The following MAVS variants were observed in gnomAD, a reference collection of about 807,000 sequenced individuals.
The protein encoded by MAVS is mitochondrial antiviral signaling protein.
In MAVS, 20 loss-of-function variants were observed where a neutral mutation model predicts 30.2. The observed-to-expected ratio is 0.66, with a 90% confidence interval of 0.47 to 0.96. MAVS has a LOEUF of 0.96. MAVS is among the 40% of genes least tolerant of loss of function. The probability of loss-of-function intolerance (pLI) is 0.00; values close to 1 mark genes in which losing one functional copy is unlikely to be tolerated. For synonymous variants in MAVS, 278 were observed against 293.9 expected, an observed-to-expected ratio of 0.95 and a Z score of 0.55; for missense variants, 624 against 701.1, an observed-to-expected ratio of 0.89 and a Z score of 1.24.
chr20:3,849,911 C>T (rs2089743229), intron 1 of MAVS, among the ~76,000 whole-genome samples: 1 of 152,214 alleles, frequency 6.6e-6, no homozygotes, highest in Non-Finnish European at 1.5e-5. Context: ...CGAGCAAATA[C>T]ATCTATAACT....
chr20:3,851,253 G>C (rs538719981), intron 1 of MAVS, among the ~76,000 whole-genome samples: 1 of 151,802 alleles, frequency 6.6e-6, no homozygotes, highest in African/African-American at 2.4e-5. Flanking sequence ...GCTTAAACCC[G>C]AGAAGCAGAG....
At position 3,865,730 on chromosome 20, in the gene MAVS, A is replaced by G. The variant is rs780363713; in HGVS notation, c.1206A>G (p.Ser402=). The change falls in exon 7 of 7, where the codon TCA becomes TCG. Residue 402 remains serine, a synonymous_variant. Transcript: ENST00000428216. The surrounding 1 kb of genome is among the most constrained non-coding windows in gnomAD (Gnocchi z 4.7). The stretch of plus-strand genomic sequence containing the variant: ...CCGCCGGCGCCACTGGAGGCAGCTC[A>G]GCCTGGCTAGACAGCAGCTCTGAGA... ...PTPAGATGGS[S]AWLDSSSENR... 7.4e-6 allele frequency: 12 copies of G among 1,612,902 alleles called. No individual in the cohort carries two copies. The highest frequency in any genetic ancestry group is 1.0e-5 in the Non-Finnish European group (12 of 1,179,666).
chr20:3,854,578 T>TC lies in MAVS; in HGVS notation c.-45dup, dbSNP rs1401868290. 1 of 1,366,010 alleles carries TC rather than the reference T, an allele frequency of 7.3e-7. No homozygotes were observed. The highest frequency in any genetic ancestry group is 1.0e-6 in the Non-Finnish European group (1 of 962,994). 84.6% of individuals were successfully genotyped at this position (1,366,010 alleles called of 1,614,324 possible). On this transcript the variant is annotated 5_prime_UTR_variant, in exon 2 of 7. Transcript: ENST00000428216. ...TCCAGTCTCGTTTCCTCTCAGTCCA[T>TC]CCACCCTTCATGGGGCCAGAGCCCT...
chr20:3,861,460 C>G lies in MAVS; in HGVS notation c.421C>G (p.Pro141Ala), dbSNP rs374414172. The change falls in exon 4 of 7, where the codon CCC becomes GCC. Residue 141 changes from proline (P) to alanine (A), a missense_variant. By Grantham distance (27) the Pro-to-Ala change is conservative. Transcript: ENST00000428216. ...CTGCAGAGAGAAGGAGCCAAGTTAC[C>G]CCATGCCTGTCCAGGAGACCCAGGC... The part of the protein sequence containing the change: ...NSCREKEPSY[P>A]MPVQETQAPE... 4.2e-5 allele frequency: 68 copies of G among 1,614,124 alleles called. No individual in the cohort carries two copies. The South Asian group carries it at 6.0e-4, about 14-fold the overall frequency.
In MAVS at chr20:3,861,448, G is replaced by T. The variant is rs779903870; in HGVS notation, c.409G>T (p.Glu137Ter). Residue 137 changes from glutamate to a stop codon, truncating the protein, a stop_gained, in exon 4 of 7, where the codon GAG becomes TAG. Transcript: ENST00000428216. LOFTEE classifies it high-confidence loss of function. ...SIPYNSCREK[E>*]PSYPMPVQET... ...CCCCTACAACAGCTGCAGAGAGAAG[G>T]AGCCAAGTTACCCCATGCCTGTCCA... 2 of 1,592,498 alleles carry T rather than the reference G, an allele frequency of 1.3e-6. No individual in the cohort carries two copies. The highest frequency in any genetic ancestry group is 3.3e-5 in the Admixed American group (2 of 59,952).
intron 3 of MAVS, among the ~76,000 whole-genome samples, chr20:3,860,779 C>A (rs2089860095): frequency 6.6e-6 from 1 of 151,560 alleles, no homozygotes; most frequent in African/African-American, 2.4e-5. Flanking sequence ...CAGGTTCAAG[C>A]AATTCTTCTG....
At position 3,868,011 on chromosome 20, in the gene MAVS, CCTCCAGGGATCTA is replaced by C. The variant is rs2089922372; in HGVS notation, c.*1866_*1878del. 8.2e-6 allele frequency: 1 copy of C among 121,670 alleles called. No individual in the cohort carries two copies. Among genetic ancestry groups the C allele is most frequent in the Non-Finnish European group, 1.8e-5 (1 of 54,424 alleles). The allele number at this position is 121,670 out of a possible 1,614,324, so 7.5% of individuals were successfully genotyped here. The stretch of plus-strand genomic sequence containing the variant: ...CTGTGGCCCCACCCCAAGCCGTCAG[CCTCCAGGGATCTA>C]CACCCTGCCTTGGCTGCTACAGCTT... On this transcript the variant is annotated 3_prime_UTR_variant, in exon 7 of 7. Coordinates refer to ENST00000428216, the MANE Select transcript of MAVS (RefSeq NM_020746.5).
At chr20:3,858,734 A>G (rs944511323) in intron 3 of MAVS, among the ~76,000 whole-genome samples, 2 of 150,104 alleles carry the variant, frequency 1.3e-5, no homozygotes, top group African/African-American at 2.4e-5. Flanking sequence ...ACTAGAGGTA[A>G]CCCCCGAGAC....
chr20:3,860,193 A>G (rs2089854620), intron 3 of MAVS, among the ~76,000 whole-genome samples: 1 of 151,426 alleles, frequency 6.6e-6, no homozygotes, highest in South Asian at 2.1e-4. Flanking sequence ...GGTGTACCCA[A>G]GAGCACCCAA....
At position 3,872,901 on chromosome 20, in the gene MAVS, G is replaced by C. The variant is rs1048052015; in HGVS notation, c.*6754G>C. On this transcript the variant is annotated 3_prime_UTR_variant, in exon 7 of 7. Transcript: ENST00000428216. ...GAATAATACGGCAAAGACCCCACCC[G>C]ATGAGCCCCCTCCCACCACCCACCA... is the stretch of plus-strand genomic sequence containing the variant. 1 of 152,210 alleles carries C rather than the reference G, an allele frequency of 6.6e-6. No homozygotes were observed. The highest frequency in any genetic ancestry group is 1.5e-5 in the Non-Finnish European group (1 of 68,038). The allele number at this position is 152,210 out of a possible 1,614,324, so 9.4% of individuals were successfully genotyped here.
rs911476888 is a variant in MAVS, at chr20:3,872,301, G to A, written c.*6154G>A. ...AAAAATTTAAAAATTAGCTGGGTGT[G>A]GTGGTATGTGCCTCAAGTTCCAGCT... On this transcript the variant is annotated 3_prime_UTR_variant, in exon 7 of 7. Coordinates refer to ENST00000428216, the MANE Select transcript of MAVS (RefSeq NM_020746.5). The A allele has an allele frequency of 1.3e-5, 2 of 152,316 alleles. No individual in the cohort carries two copies. The highest frequency in any genetic ancestry group is 2.9e-5 in the Non-Finnish European group (2 of 68,150). The allele number at this position is 152,316 out of a possible 1,614,324, so 9.4% of individuals were successfully genotyped here. A position where few individuals can be genotyped will look rare whatever the true frequency, so the allele number is the denominator to read the frequency against.
rs200985651 is a variant in MAVS at position 3,865,832 on chromosome 20, C to T, written c.1308C>T (p.Phe436=). 2.0e-4 allele frequency: 323 copies of T among 1,614,038 alleles called. 3 individuals carry two copies. The East Asian group carries it at 5.3e-3, about 27-fold the overall frequency. Residue 436 remains phenylalanine, a synonymous_variant, in exon 7 of 7, where the codon TTC becomes TTT. Transcript: ENST00000428216. The surrounding 1 kb of genome is among the most constrained non-coding windows in gnomAD (Gnocchi z 4.7). ...TAGACAGCCCGTTCTCGGGCTGCTT[C>T]GAGGATCTTGCCATCAGTGCCAGCA... is the stretch of plus-strand genomic sequence containing the variant. ...SQVDSPFSGC[F]EDLAISASTS...
intron 3 of MAVS, among the ~76,000 whole-genome samples, chr20:3,860,718 C>T (rs2146770867): frequency 6.6e-6 from 1 of 151,992 alleles, no homozygotes. Flanking sequence ...GCTCTGTTGC[C>T]CAGGCTGGAG....
chr20:3,868,262 AG>A lies in MAVS; in HGVS notation c.*2117del, dbSNP rs1376742166. The A allele has an allele frequency of 1.3e-5, 2 of 152,346 alleles. No individual in the cohort carries two copies. The highest frequency in any genetic ancestry group is 2.9e-5 in the Non-Finnish European group (2 of 68,044). 9.4% of individuals were successfully genotyped at this position (152,346 alleles called of 1,614,324 possible). ...CCCCAGTTAGGTACCCATGCTGGGC[AG>A]GTCAGTTAACAATTTATGCACAGGT... On this transcript the variant is annotated 3_prime_UTR_variant, in exon 7 of 7. Transcript: ENST00000428216.
At chr20:3,853,300 C>A (rs1406388772) in intron 1 of MAVS, among the ~76,000 whole-genome samples, 4 of 150,672 alleles carry the variant, frequency 2.7e-5, no homozygotes. Flanking sequence ...TCCTGGCTAA[C>A]CCCGTGAAAC....
At chr20:3,859,380 A>G (rs184545501) in intron 3 of MAVS, among the ~76,000 whole-genome samples, 1 of 151,772 alleles carries the variant, frequency 6.6e-6, no homozygotes, top group African/African-American at 2.4e-5. Flanking sequence ...TGGTGGTGCA[A>G]GCCTGTAATC....
chr20:3,847,449 G>A (rs1051330065), intron 1 of MAVS, among the ~76,000 whole-genome samples: 1 of 152,224 alleles, frequency 6.6e-6, no homozygotes, highest in African/African-American at 2.4e-5. Context: ...TGCACTCAGA[G>A]CCTCTGGACA....
At chr20:3,860,492 A>C (rs1338938032) in intron 3 of MAVS, among the ~76,000 whole-genome samples, 1 of 149,998 alleles carries the variant, frequency 6.7e-6, no homozygotes, top group Admixed American at 6.7e-5. Context: ...CTCCTGCCTC[A>C]GCCTCTCGAG....
At chr20:3,851,059 G>C (rs553693457) in intron 1 of MAVS, among the ~76,000 whole-genome samples, 2 of 152,034 alleles carry the variant, frequency 1.3e-5, no homozygotes, top group African/African-American at 4.8e-5. Flanking sequence ...GTTGGCTGGC[G>C]CCTGTAATCC....
Sources: gnomAD v4.1 joint callset for allele counts (sites outside exome capture counted in the v4.1 genomes callset) on GRCh38, gnomAD v4.1.1 for gene constraint, Gnocchi (gnomAD v3.1) non-coding constraint, MANE v1.5 for transcripts, NCBI Gene and HGNC (gene_info 2026-07-23, HGNC 2026-07-21) for gene names.